The following WDFY1 variants were observed in gnomAD, a reference collection of about 807,000 sequenced individuals.
The protein encoded by WDFY1 is WD repeat and FYVE domain-containing protein 1.
WDFY1 carries 32 observed loss-of-function variants against 56.4 expected under a neutral mutation model. The ratio of observed to expected loss-of-function variants is 0.57; its 90% CI spans 0.43 to 0.76. The LOEUF (loss-of-function observed/expected upper bound fraction) is 0.76. WDFY1 is among the 30% of genes least tolerant of loss of function. WDFY1 has a pLI of 0.00. For missense variants in WDFY1, 480 were observed against 545.7 expected (o/e 0.88, Z 1.20); for synonymous variants, 192 against 197.3 (o/e 0.97, Z 0.23).
chr2:223,913,620 C>A (rs1693740009), intron 2 of WDFY1, among the ~76,000 whole-genome samples: 2 of 152,156 alleles, frequency 1.3e-5, no homozygotes. Context: ...TTTGACAAAT[C>A]AAATCATGCT....
intron 1 of WDFY1, among the ~76,000 whole-genome samples, chr2:223,924,987 G>A (rs1559173452): frequency 6.6e-6 from 1 of 151,992 alleles, no homozygotes; most frequent in Admixed American, 6.6e-5. Flanking sequence ...AGGAATTCCA[G>A]GCTTGGAAAT....
intron 1 of WDFY1, among the ~76,000 whole-genome samples, chr2:223,943,094 T>A (rs1171493776): frequency 6.7e-6 from 1 of 150,106 alleles, no homozygotes; most frequent in African/African-American, 2.5e-5. Flanking sequence ...GGCAGGAGAA[T>A]CGCTTGAACC....
intron 4 of WDFY1, among the ~76,000 whole-genome samples, chr2:223,904,011 A>T (rs773755992): frequency 3.9e-5 from 6 of 152,170 alleles, no homozygotes; most frequent in Non-Finnish European, 8.8e-5. Flanking sequence ...AGGTCTCCAA[A>T]CTCGTAGGTA....
At chr2:223,919,799 C>T (rs1693859086) in intron 1 of WDFY1, among the ~76,000 whole-genome samples, 1 of 152,160 alleles carries the variant, frequency 6.6e-6, no homozygotes, top group Admixed American at 6.5e-5. Context: ...GTTTTGAGGC[C>T]TAGACAAGTA....
chr2:223,928,276 T>C (rs1382458988), intron 1 of WDFY1, among the ~76,000 whole-genome samples: 1 of 152,150 alleles, frequency 6.6e-6, no homozygotes, highest in Non-Finnish European at 1.5e-5. Flanking sequence ...ATGCAGTATC[T>C]GAGAAGCACA....
intron 1 of WDFY1, among the ~76,000 whole-genome samples, chr2:223,921,123 C>G (rs1693878652): frequency 6.6e-6 from 1 of 152,078 alleles, no homozygotes; most frequent in Admixed American, 6.6e-5. Flanking sequence ...GTGTTGGTAA[C>G]CATGGATATA....
chr2:223,944,373 C>A (rs1689366265), intron 1 of WDFY1, among the ~76,000 whole-genome samples: 1 of 152,380 alleles, frequency 6.6e-6, no homozygotes, highest in Admixed American at 6.5e-5. Context: ...GGAGAGAGAC[C>A]GGGACGAAGG....
chr2:223,909,507 C>T (rs769729930), intron 3 of WDFY1, among the ~76,000 whole-genome samples: 11 of 152,050 alleles, frequency 7.2e-5, no homozygotes, highest in Non-Finnish European at 1.6e-4. Flanking sequence ...CAGACCTCTC[C>T]GGGACTCGTT....
chr2:223,896,155 C>A (rs1364703186), intron 6 of WDFY1, among the ~76,000 whole-genome samples: 51 of 39,838 alleles, frequency 1.3e-3, no homozygotes, highest in East Asian at 2.6e-3. Context: ...GACTCTGTCT[C>A]AAAAAAAAAA....
intron 8 of WDFY1, 51 bp downstream of exon 8, chr2:223,894,183 A>T (rs1693322769): frequency 6.3e-7 from 1 of 1,593,322 alleles, no homozygotes; most frequent in Admixed American, 1.7e-5. Flanking sequence ...AGAAGAAGCC[A>T]GGTTCCTGGG....
intron 8 of WDFY1, among the ~76,000 whole-genome samples, chr2:223,889,884 C>A (rs1033822998): frequency 5.3e-5 from 8 of 152,158 alleles, no homozygotes; most frequent in Non-Finnish European, 1.0e-4. Flanking sequence ...TTTTTTTATT[C>A]TACTTAATTT....
At chr2:223,916,441 C>T (rs1693789793) in intron 2 of WDFY1, among the ~76,000 whole-genome samples, 1 of 152,198 alleles carries the variant, frequency 6.6e-6, no homozygotes, top group African/African-American at 2.4e-5. Flanking sequence ...GCATCTGCAA[C>T]CACTGTCAAG....
chr2:223,879,080 A>C (rs1221468435), intron 11 of WDFY1, among the ~76,000 whole-genome samples: 1 of 152,188 alleles, frequency 6.6e-6, no homozygotes, highest in African/African-American at 2.4e-5. Flanking sequence ...CCAGCCACTC[A>C]AGAGGCTGAG....
Position 223,875,411 on chromosome 2 carries a change from C to A in WDFY1, c.*3260G>T, listed in dbSNP as rs1692950805. ...AAAAAAAAAACCCACAAAAACAGAACCCACAAATAGGAGCAAAGAACAGTT... is the reference window on the plus strand; with the variant it reads ...AAAAAAAAAACCCACAAAAACAGAAACCACAAATAGGAGCAAAGAACAGTT... On this transcript the variant is annotated 3_prime_UTR_variant, in exon 12 of 12. Coordinates refer to ENST00000233055, the MANE Select transcript of WDFY1 (RefSeq NM_020830.5). 6.7e-6 allele frequency: 1 copy of A among 148,532 alleles called. No individual in the cohort carries two copies. Among genetic ancestry groups the A allele is most frequent in the African/African-American group, 2.5e-5 (1 of 40,730 alleles). 9.2% of individuals were successfully genotyped at this position (148,532 alleles called of 1,614,324 possible). A position where few individuals can be genotyped will look rare whatever the true frequency, so the allele number is the denominator to read the frequency against.
rs1366201305 is a variant in WDFY1, at chr2:223,876,494, G to A, written c.*2177C>T. The A allele has an allele frequency of 6.6e-6, 1 of 152,456 alleles. No homozygotes were observed. The highest frequency in any genetic ancestry group is 1.5e-5 in the Non-Finnish European group (1 of 68,006). 9.4% of individuals were successfully genotyped at this position (152,456 alleles called of 1,614,324 possible). A position where few individuals can be genotyped will look rare whatever the true frequency, so the allele number is the denominator to read the frequency against. On this transcript the variant is annotated 3_prime_UTR_variant, in exon 12 of 12. Coordinates refer to ENST00000233055, the MANE Select transcript of WDFY1 (RefSeq NM_020830.5). ...TCTAAAAAGAAAAATGATAGGCCTGGTGGAGAGCAAGCTATATGGAAACAT... is the reference window on the plus strand; with the variant it reads ...TCTAAAAAGAAAAATGATAGGCCTGATGGAGAGCAAGCTATATGGAAACAT...
intron 10 of WDFY1, 52 bp from the exon 11 acceptor site, chr2:223,880,284 A>G: frequency 6.5e-7 from 1 of 1,538,892 alleles, no homozygotes; most frequent in Non-Finnish European, 9.0e-7. Context: ...ACCTAGAGCT[A>G]GTGGGGTAAG....
At chr2:223,930,503 G>A (rs1382179448) in intron 1 of WDFY1, among the ~76,000 whole-genome samples, 3 of 152,342 alleles carry the variant, frequency 2.0e-5, no homozygotes, top group East Asian at 1.9e-4. Context: ...CTAAGTTTGT[G>A]TATTTTTAGT....
intron 1 of WDFY1, among the ~76,000 whole-genome samples, chr2:223,930,891 G>A (rs1694061995): frequency 6.6e-6 from 1 of 152,252 alleles, no homozygotes; most frequent in African/African-American, 2.4e-5. Flanking sequence ...CAGCAGAGCT[G>A]GCCCACGGCT....
chr2:223,911,282 G>T (rs645734), intron 3 of WDFY1, among the ~76,000 whole-genome samples: 131,304 of 151,900 alleles, frequency 0.86, 57,226 homozygotes, highest in Non-Finnish European at 0.93. Context: ...GGATTTTTTT[G>T]CAGGGAGGGG....
Sources: gnomAD v4.1 joint callset for allele counts (sites outside exome capture counted in the v4.1 genomes callset) on GRCh38, gnomAD v4.1.1 for gene constraint, MANE v1.5 for transcripts, NCBI Gene and HGNC (gene_info 2026-07-23, HGNC 2026-07-21) for gene names.